The following MEGF11 variants were observed in gnomAD, a reference collection of about 807,000 sequenced individuals.
MEGF11 encodes the protein multiple EGF like domains 11.
MEGF11 carries 126 observed loss-of-function variants against 146.6 expected under a neutral mutation model. That is an observed-to-expected ratio of 0.86 (90% CI 0.74 to 1.00). MEGF11 has a LOEUF of 1.00. Ranked by LOEUF, MEGF11 falls within the 50% of genes least tolerant of loss-of-function variation. The pLI is 0.00. For missense variants in MEGF11, 1,509 were observed against 1,521.2 expected, an observed-to-expected ratio of 0.99 and a Z score of 0.13; for synonymous variants, 532 against 583.4, an observed-to-expected ratio of 0.91 and a Z score of 1.27.
At chr15:65,901,338 G>A (rs1236324940) in intron 24 of MEGF11, among the ~76,000 whole-genome samples, 1 of 149,888 alleles carries the variant, frequency 6.7e-6, no homozygotes, top group Non-Finnish European at 1.5e-5. Context: ...ATTTTCTAAC[G>A]TGATGAATAA....
intron 5 of MEGF11, among the ~76,000 whole-genome samples, chr15:66,023,139 T>TAAAAAAAAAAAAA (rs2083211292): frequency 9.3e-5 from 1 of 10,806 alleles, no homozygotes. Context: ...AGACTCCATC[T>TAAAAAAAAAAAAA]CAAAAAAAAA....
rs1406998940 is a variant in MEGF11 at position 65,897,804 on chromosome 15, G to A, written c.*130C>T. On this transcript the variant is annotated 3_prime_UTR_variant, in exon 26 of 26. Coordinates refer to ENST00000395614, the MANE Select transcript of MEGF11 (RefSeq NM_001385028.1). ...AGTCCCACCTGGACGCTCTTCTTTAGTTCCAGGTGAACGTAATAACTAACA... is the reference window on the plus strand; with the variant it reads ...AGTCCCACCTGGACGCTCTTCTTTAATTCCAGGTGAACGTAATAACTAACA... 4.5e-6 allele frequency: 4 copies of A among 880,628 alleles called. No individual in the cohort carries two copies. The highest frequency in any genetic ancestry group is 6.7e-6 in the Non-Finnish European group (4 of 592,696). The allele number at this position is 880,628 out of a possible 1,614,324, so 54.6% of individuals were successfully genotyped here. A position where few individuals can be genotyped will look rare whatever the true frequency, so the allele number is the denominator to read the frequency against.
intron 1 of MEGF11, among the ~76,000 whole-genome samples, chr15:66,224,651 AT>A (rs1427912096): frequency 1.4e-5 from 2 of 144,910 alleles, no homozygotes; most frequent in African/African-American, 5.1e-5. Context: ...TATATTATAT[AT>A]TTATATATAA....
chr15:66,108,426 C>A (rs149531856), intron 4 of MEGF11, among the ~76,000 whole-genome samples: 2 of 152,028 alleles, frequency 1.3e-5, no homozygotes, highest in Admixed American at 1.3e-4. Context: ...ATTGAGGAGA[C>A]AGAAATTTTA....
At chr15:66,240,572 T>G (rs1168803981) in intron 1 of MEGF11, among the ~76,000 whole-genome samples, 1 of 152,220 alleles carries the variant, frequency 6.6e-6, no homozygotes, top group Non-Finnish European at 1.5e-5. Flanking sequence ...CTTTGCTACA[T>G]TCCAGACACT....
rs537202590 is a variant in MEGF11 at position 65,994,976 on chromosome 15, G to A, written c.395-12488C>T. ...AGTGCAGCAGCTAGAGGTCACATGAGATGCTGAAGGCTGGGCTTGCTAGAG... is the reference window on the plus strand; with the variant it reads ...AGTGCAGCAGCTAGAGGTCACATGAAATGCTGAAGGCTGGGCTTGCTAGAG... On this transcript the variant is annotated intron_variant, in intron 5 of 25. Coordinates refer to ENST00000395614, the MANE Select transcript of MEGF11 (RefSeq NM_001385028.1). 5.9e-5 allele frequency among the ~76,000 whole-genome samples: 9 copies of A among 152,364 alleles called. 1 individual carries two copies. Among genetic ancestry groups the A allele is most frequent in the Admixed American group, 2.6e-4 (4 of 15,308 alleles).
intron 5 of MEGF11, among the ~76,000 whole-genome samples, chr15:66,082,452 AAAAAAAAAAAAAAAATCTATCT>A (rs1567232307): frequency 8.7e-6 from 1 of 114,546 alleles, no homozygotes; most frequent in Non-Finnish European, 1.7e-5. Context: ...AAAAAAAAAA[AAAAAAAAAAAAAAAATCTATCT>A]ATCTATCTAT....
At position 65,970,295 on chromosome 15, in the gene MEGF11, GCAGGTGCTCACCTCCTTCCCC is replaced by G. The variant is rs1000899425; in HGVS notation, c.899+237_899+257del. Reference sequence around the variant, plus strand: ...TGAGTGCAGAGAGTAGAGAGTGGGGGCAGGTGCTCACCTCCTTCCCCCAGGTGAGCCCATTTAAATTCAGGG... The same window carrying G: ...TGAGTGCAGAGAGTAGAGAGTGGGGGCAGGTGAGCCCATTTAAATTCAGGG... On this transcript the variant is annotated intron_variant, in intron 8 of 25. Coordinates refer to ENST00000395614, the MANE Select transcript of MEGF11 (RefSeq NM_001385028.1). Among the ~76,000 whole-genome samples the G allele has an allele frequency of 5.3e-5, 8 of 152,180 alleles. No individual in the cohort carries two copies. In the South Asian group the frequency reaches 8.3e-4, roughly 16 times the overall value.
chr15:65,931,300 C>A (rs972436543), intron 10 of MEGF11, among the ~76,000 whole-genome samples: 6 of 152,102 alleles, frequency 3.9e-5, no homozygotes, highest in African/African-American at 1.4e-4. Flanking sequence ...AATGCAGTGG[C>A]CTCTAGAATC....
At chr15:66,165,800 C>T (rs1031330495) in intron 1 of MEGF11, among the ~76,000 whole-genome samples, 28 of 152,204 alleles carry the variant, frequency 1.8e-4, no homozygotes, top group Non-Finnish European at 3.8e-4. Flanking sequence ...CAGGGTCTCC[C>T]TCCGTCCCCT....
chr15:66,214,400 G>C (rs935195917), intron 1 of MEGF11, among the ~76,000 whole-genome samples: 1 of 152,238 alleles, frequency 6.6e-6, no homozygotes, highest in South Asian at 2.1e-4. Flanking sequence ...CTCCCAGCCT[G>C]ACCCCTCCCA....
Position 65,912,143 on chromosome 15 carries a change from A to AGTGC in MEGF11, c.2764_2767dup (p.Leu923ArgfsTer25), listed in dbSNP as rs1449506528. The AGTGC allele has an allele frequency of 1.6e-6, 2 of 1,232,082 alleles. No individual in the cohort carries two copies. The highest frequency in any genetic ancestry group is 3.1e-5 in the African/African-American group (2 of 64,380). 76.3% of individuals were successfully genotyped at this position (1,232,082 alleles called of 1,614,324 possible). On this transcript the variant is annotated frameshift_variant, in exon 21 of 26. Transcript: ENST00000395614. LOFTEE classifies it high-confidence loss of function. ...GCTGGTGGCAGGCCCCCCACATGCC[A>AGTGC]GTGCGTGGTAGCTGGAATTGGAAAA...
intron 5 of MEGF11, among the ~76,000 whole-genome samples, chr15:66,065,795 G>C (rs1433787351): frequency 6.6e-6 from 1 of 152,114 alleles, no homozygotes; most frequent in Non-Finnish European, 1.5e-5. Context: ...GATCTCCCCT[G>C]ACTTTCCACT....
chr15:65,922,985 A>G lies in MEGF11; in HGVS notation c.1676-16T>C. Reference sequence around the variant, plus strand: ...CAGCGGATGCCTGTGGGCCAGAGGCAGACTCGGGTCAGTGGTAAGAGAGGT... The same window carrying G: ...CAGCGGATGCCTGTGGGCCAGAGGCGGACTCGGGTCAGTGGTAAGAGAGGT... On this transcript the variant is annotated splice_polypyrimidine_tract_variant and intron_variant, in intron 13 of 25. Transcript: ENST00000395614. The G allele has an allele frequency of 6.2e-7, 1 of 1,611,086 alleles. No homozygotes were observed. The highest frequency in any genetic ancestry group is 8.5e-7 in the Non-Finnish European group (1 of 1,179,026).
At chr15:65,900,149 C>G (rs921455931) in intron 24 of MEGF11, among the ~76,000 whole-genome samples, 2 of 152,184 alleles carry the variant, frequency 1.3e-5, no homozygotes, top group Non-Finnish European at 2.9e-5. Context: ...GACACAAGCA[C>G]TGAGCTGCTT....
At position 65,982,391 on chromosome 15, in the gene MEGF11, G is replaced by A. The variant is rs753323982; in HGVS notation, c.492C>T (p.Ala164=). The change falls in exon 6 of 26, where the codon GCC becomes GCT. Residue 164 remains alanine, a synonymous_variant. Coordinates refer to ENST00000395614, the MANE Select transcript of MEGF11 (RefSeq NM_001385028.1). This position sits in a 1 kb window ranked among gnomAD's most constrained non-coding sequence, Gnocchi z 5.6. ...CGCAGCGCCATCCACGGAAGCCGGC[G>A]GCGCACACGCAGGCGCCTGTGATGG... The part of the protein sequence containing the change: ...CNPITGACVC[A]AGFRGWRCEE... The A allele has an allele frequency of 1.8e-5, 27 of 1,532,796 alleles. No homozygotes were observed. The South Asian group carries it at 3.0e-4, about 17-fold the overall frequency. 94.9% of individuals were successfully genotyped at this position (1,532,796 alleles called of 1,614,324 possible).
chr15:65,954,765 G>A (rs2080521101), intron 10 of MEGF11, among the ~76,000 whole-genome samples: 1 of 152,224 alleles, frequency 6.6e-6, no homozygotes. Flanking sequence ...GAGCACTGGG[G>A]ACAGTGAGCA....
At position 66,093,303 on chromosome 15, in the gene MEGF11, C is replaced by CA. The variant is rs567577321; in HGVS notation, c.394+1098dup. 3.7e-3 allele frequency among the ~76,000 whole-genome samples: 563 copies of CA among 152,154 alleles called. 4 individuals are homozygous for CA. Among genetic ancestry groups the CA allele is most frequent in the African/African-American group, 0.013 (540 of 41,518 alleles). ...CAGTCAAGGCCTTTGGGAAAACAAA[C>CA]AAAAAAACATAACTAGATATTTCCA... On this transcript the variant is annotated intron_variant, in intron 5 of 25. Coordinates refer to ENST00000395614, the MANE Select transcript of MEGF11 (RefSeq NM_001385028.1).
chr15:65,953,427 G>A (rs889897659), intron 10 of MEGF11, among the ~76,000 whole-genome samples: 2 of 152,062 alleles, frequency 1.3e-5, no homozygotes, highest in Non-Finnish European at 2.9e-5. Flanking sequence ...TCCCACCACC[G>A]CTGGCTTTGT....
Sources: gnomAD v4.1 joint callset for allele counts (sites outside exome capture counted in the v4.1 genomes callset) on GRCh38, gnomAD v4.1.1 for gene constraint, Gnocchi (gnomAD v3.1) non-coding constraint, MANE v1.5 for transcripts, NCBI Gene and HGNC (gene_info 2026-07-23, HGNC 2026-07-21) for gene names.